Variants in FER observed in about 807,000 individuals in gnomAD.
FER encodes FER tyrosine kinase, also known as tyrosine-protein kinase Fer.
FER carries 63 observed loss-of-function variants against 111.0 expected under a neutral mutation model. The observed-to-expected ratio is 0.57, with a 90% CI of 0.46 to 0.70. FER has a LOEUF of 0.70. Among genes scored for constraint, FER ranks in the 30% least tolerant of loss-of-function variants. The probability of loss-of-function intolerance (pLI) is 0.00; values close to 1 mark genes in which losing one functional copy is unlikely to be tolerated. For synonymous variants in FER, 327 were observed against 313.9 expected (o/e 1.04, Z -0.44); for missense variants, 914 against 954.0 (o/e 0.96, Z 0.55).
intron 13 of FER, among the ~76,000 whole-genome samples, chr5:109,032,693 A>G (rs1769816143): frequency 6.6e-6 from 1 of 152,184 alleles, no homozygotes; most frequent in African/African-American, 2.4e-5. Context: ...TTGCTTAGGC[A>G]ATTAGAAGGT....
intron 10 of FER, among the ~76,000 whole-genome samples, chr5:108,936,652 C>T (rs947222865): frequency 6.6e-5 from 10 of 151,772 alleles, no homozygotes; most frequent in African/African-American, 2.2e-4. Context: ...AAAAATTAAG[C>T]CCTGGAGGTG....
At chr5:108,820,594 C>A (rs960417820) in intron 3 of FER, 2 of 949,968 alleles carry the variant, frequency 2.1e-6, no homozygotes, top group Non-Finnish European at 1.3e-6. Context: ...CTTTTTAATA[C>A]CAGTAGTAAT....
chr5:109,068,983 C>T (rs1217613756), intron 16 of FER, among the ~76,000 whole-genome samples: 2 of 152,104 alleles, frequency 1.3e-5, no homozygotes. Flanking sequence ...TGGCTTAGTC[C>T]AAATGTTAAC....
At chr5:108,971,840 T>C (rs1049543165) in intron 13 of FER, among the ~76,000 whole-genome samples, 2 of 152,206 alleles carry the variant, frequency 1.3e-5, no homozygotes, top group African/African-American at 4.8e-5. Flanking sequence ...CATATGACAT[T>C]TACAAATATC....
intron 17 of FER, among the ~76,000 whole-genome samples, chr5:109,130,505 GAAAC>G (rs796809952): frequency 1.1e-5 from 1 of 88,844 alleles, no homozygotes; most frequent in South Asian, 2.6e-4. Flanking sequence ...AATATAAACA[GAAAC>G]AAAATAAAAT....
intron 16 of FER, among the ~76,000 whole-genome samples, chr5:109,054,151 A>C (rs1476096093): frequency 6.6e-6 from 1 of 152,192 alleles, no homozygotes; most frequent in East Asian, 1.9e-4. Context: ...GAAACTGCCT[A>C]GTAGTGGAAT....
chr5:108,765,313 A>G (rs909035043), intron 1 of FER, among the ~76,000 whole-genome samples: 1 of 152,244 alleles, frequency 6.6e-6, no homozygotes, highest in Non-Finnish European at 1.5e-5. Flanking sequence ...AATCTTTTCA[A>G]TATCAAAGAA....
At chr5:109,134,428 G>A (rs1023293634) in intron 17 of FER, among the ~76,000 whole-genome samples, 28 of 152,046 alleles carry the variant, frequency 1.8e-4, no homozygotes, top group African/African-American at 6.5e-4. Flanking sequence ...ATAATCTTAA[G>A]GTTTTTCTTT....
chr5:109,072,959 T>A (rs536722625), intron 16 of FER, among the ~76,000 whole-genome samples: 4 of 152,242 alleles, frequency 2.6e-5, no homozygotes, highest in African/African-American at 9.6e-5. Context: ...TCACATAGCC[T>A]TCTTCCCTCT....
Position 109,130,166 on chromosome 5 carries a change from A to T in FER, c.2048+29647A>T, listed in dbSNP as rs1338827361. Among the ~76,000 whole-genome samples the T allele has an allele frequency of 3.9e-5, 6 of 152,170 alleles. No individual in the cohort carries two copies. The South Asian group carries it at 1.0e-3, about 26-fold the overall frequency. On this transcript the variant is annotated intron_variant, in intron 17 of 19. Transcript: ENST00000281092. ...CCATTTTTAAAAAATGATTTAAAAG[A>T]TGATTAGAGATTTTTATCCCATAGT...
chr5:109,103,448 C>T (rs1241096431), intron 17 of FER, among the ~76,000 whole-genome samples: 1 of 152,044 alleles, frequency 6.6e-6, no homozygotes, highest in Non-Finnish European at 1.5e-5. Flanking sequence ...ACAATTATGA[C>T]AACTATAAAA....
At chr5:108,968,108 G>T (rs1053503550) in intron 13 of FER, among the ~76,000 whole-genome samples, 5 of 152,212 alleles carry the variant, frequency 3.3e-5, no homozygotes, top group African/African-American at 9.6e-5. Flanking sequence ...GCTAAAAGTG[G>T]CCGGGCACAG....
intron 9 of FER, among the ~76,000 whole-genome samples, chr5:108,897,359 G>C (rs1224704685): frequency 6.6e-6 from 1 of 151,986 alleles, no homozygotes; most frequent in Non-Finnish European, 1.5e-5. Context: ...TATACCTCTG[G>C]ACCTAAGTGT....
At chr5:109,116,521 T>G (rs1299565074) in intron 17 of FER, among the ~76,000 whole-genome samples, 1 of 152,094 alleles carries the variant, frequency 6.6e-6, no homozygotes, top group East Asian at 1.9e-4. Context: ...TCATCTAAAA[T>G]GTTAAGGAAT....
intron 16 of FER, among the ~76,000 whole-genome samples, chr5:109,054,468 G>A (rs1345039192): frequency 2.0e-5 from 3 of 152,132 alleles, no homozygotes; most frequent in Non-Finnish European, 4.4e-5. Flanking sequence ...TAAAAATTGG[G>A]TTGGTTGTTT....
rs534514355 is a variant in FER at position 108,968,949 on chromosome 5, C to G, written c.1656+9602C>G. Among the ~76,000 whole-genome samples, 8 of 151,916 alleles carry G rather than the reference C, an allele frequency of 5.3e-5. No homozygotes were observed. In the East Asian group the frequency reaches 7.7e-4, roughly 15 times the overall value. The stretch of plus-strand genomic sequence containing the variant: ...TATTAAAGTTGATTTGCCCCATTCT[C>G]AGTAAAATAAAGGAAAAATAAAAAT... On this transcript the variant is annotated intron_variant, in intron 13 of 19. Transcript: ENST00000281092.
intron 13 of FER, among the ~76,000 whole-genome samples, chr5:109,033,236 A>G (rs548634141): frequency 5.9e-5 from 9 of 152,186 alleles, no homozygotes; most frequent in East Asian, 3.9e-4. Context: ...TTTTCTCTAT[A>G]TTTGAGAAGG....
intron 3 of FER, among the ~76,000 whole-genome samples, chr5:108,825,361 G>A (rs1000098735): frequency 2.0e-5 from 3 of 152,190 alleles, no homozygotes; most frequent in Non-Finnish European, 4.4e-5. Flanking sequence ...TCTGGGGGAC[G>A]TTCCATGCTG....
At chr5:108,874,937 A>C (rs1764937455) in intron 8 of FER, among the ~76,000 whole-genome samples, 1 of 152,156 alleles carries the variant, frequency 6.6e-6, no homozygotes, top group Admixed American at 6.5e-5. Context: ...AAATGTTGCT[A>C]CATATGTAAG....
Sources: gnomAD v4.1 joint callset for allele counts (sites outside exome capture counted in the v4.1 genomes callset) on GRCh38, gnomAD v4.1.1 for gene constraint, MANE v1.5 for transcripts, NCBI Gene and HGNC (gene_info 2026-07-23, HGNC 2026-07-21) for gene names.